Variants in TTK observed in about 807,000 individuals in gnomAD.
TTK encodes dual specificity protein kinase TTK.
In TTK, 59 loss-of-function variants were observed where a neutral mutation model predicts 117.3. The observed-to-expected ratio is 0.50, with a 90% CI of 0.41 to 0.62. The LOEUF (loss-of-function observed/expected upper bound fraction) is 0.62. TTK is among the 20% of genes least tolerant of loss of function. The pLI is 0.00. For missense variants in TTK, 921 were observed against 989.4 expected, an observed-to-expected ratio of 0.93 and a Z score of 0.93; for synonymous variants, 302 against 325.0, an observed-to-expected ratio of 0.93 and a Z score of 0.76.
intron 11 of TTK, 26 bp from the exon 12 acceptor site, chr6:80,026,352 T>A (rs747394258): frequency 6.3e-7 from 1 of 1,592,164 alleles, no homozygotes; most frequent in East Asian, 2.2e-5. Flanking sequence ...AAAAACTAAA[T>A]CATGGTGTTC....
At chr6:80,009,929 C>T (rs1767099112) in intron 4 of TTK, among the ~76,000 whole-genome samples, 1 of 152,054 alleles carries the variant, frequency 6.6e-6, no homozygotes, top group African/African-American at 2.4e-5. Context: ...AAGCCTTTCT[C>T]TCTTTTCTTG....
chr6:80,011,412 C>A, intron 5 of TTK, 22 bp from the exon 6 acceptor site: 2 of 1,480,504 alleles, frequency 1.4e-6, no homozygotes, highest in South Asian at 1.3e-5. Flanking sequence ...TAAATTTAAT[C>A]ATAGTTTCAA....
intron 6 of TTK, 34 bp downstream of exon 6, chr6:80,011,582 C>T (rs1176640483): frequency 1.3e-6 from 2 of 1,573,290 alleles, no homozygotes; most frequent in East Asian, 2.2e-5. Flanking sequence ...AAATGTTCAT[C>T]TTCTATGTAA....
intron 1 of TTK, among the ~76,000 whole-genome samples, chr6:80,005,373 C>T (rs1325389057): frequency 6.6e-6 from 1 of 152,168 alleles, no homozygotes; most frequent in Non-Finnish European, 1.5e-5. Flanking sequence ...TCAGTAAAGC[C>T]CCATCATGTT....
intron 17 of TTK, among the ~76,000 whole-genome samples, chr6:80,036,918 G>T (rs1016470907): frequency 1.2e-4 from 18 of 152,186 alleles, no homozygotes; most frequent in Non-Finnish European, 2.5e-4. Context: ...TTTCCTTGTA[G>T]CAAAGAGGGA....
In TTK at chr6:80,035,043, A is replaced by G; in HGVS notation, c.1673A>G (p.Glu558Gly). The G allele has an allele frequency of 6.2e-7, 1 of 1,601,712 alleles. No homozygotes were observed. Among genetic ancestry groups the G allele is most frequent in the African/African-American group, 1.3e-5 (1 of 74,352 alleles). ...TATGCTATAAAATATGTGAACTTAG[A>G]AGAAGCAGATAACCAAACTCTTGAT... The part of the protein sequence containing the change: ...QIYAIKYVNL[E>G]EADNQTLDSY... The change falls in exon 15 of 22, where the codon GAA becomes GGA. Residue 558 changes from glutamate to glycine, a missense_variant. Coordinates refer to ENST00000369798, the MANE Select transcript of TTK (RefSeq NM_003318.5).
In TTK at chr6:80,017,163, G is replaced by A. The variant is rs371148557; in HGVS notation, c.1108+2577G>A. ...ATTTTTCCCCATAATGGATATCCAGGTGACCTGGCACCATTTATTGAAAAG... is the reference window on the plus strand; with the variant it reads ...ATTTTTCCCCATAATGGATATCCAGATGACCTGGCACCATTTATTGAAAAG... On this transcript the variant is annotated intron_variant, in intron 10 of 21. Coordinates refer to ENST00000369798, the MANE Select transcript of TTK (RefSeq NM_003318.5). Among the ~76,000 whole-genome samples, 127 of 152,282 alleles carry A rather than the reference G, an allele frequency of 8.3e-4. 1 individual carries two copies. Among genetic ancestry groups the A allele is most frequent in the Middle Eastern group, 6.8e-3 (2 of 294 alleles).
At chr6:80,016,643 T>G (rs777689642) in intron 10 of TTK, among the ~76,000 whole-genome samples, 4 of 152,206 alleles carry the variant, frequency 2.6e-5, no homozygotes, top group Non-Finnish European at 4.4e-5. Context: ...AATATGTGTT[T>G]GTAAGGGAAA....
intron 11 of TTK, among the ~76,000 whole-genome samples, chr6:80,024,735 A>G (rs1767560797): frequency 6.6e-6 from 1 of 152,236 alleles, no homozygotes; most frequent in South Asian, 2.1e-4. Context: ...TAGTACACGT[A>G]GAAAGAAAAA....
At chr6:80,005,637 G>A (rs1013067138) in intron 1 of TTK, among the ~76,000 whole-genome samples, 3 of 152,102 alleles carry the variant, frequency 2.0e-5, no homozygotes, top group African/African-American at 7.2e-5. Context: ...AGTATACTTG[G>A]CCTATGAAAC....
At chr6:80,032,283 C>T (rs192586960) in intron 14 of TTK, among the ~76,000 whole-genome samples, 2 of 152,020 alleles carry the variant, frequency 1.3e-5, no homozygotes, top group East Asian at 1.9e-4. Flanking sequence ...AGCTTTTTTC[C>T]GCACTTGGTT....
chr6:80,020,576 T>C (rs1279600785), intron 10 of TTK, among the ~76,000 whole-genome samples: 1 of 152,232 alleles, frequency 6.6e-6, no homozygotes, highest in Non-Finnish European at 1.5e-5. Context: ...TTTTTCTTAC[T>C]GGAATTTGCC....
intron 8 of TTK, among the ~76,000 whole-genome samples, chr6:80,012,938 A>T (rs1222760242): frequency 6.6e-6 from 1 of 152,082 alleles, no homozygotes; most frequent in East Asian, 1.9e-4. Context: ...CAGAAGTGCT[A>T]TACCCTGGTT....
chr6:80,011,597 A>T, intron 6 of TTK, 49 bp downstream of exon 6: 2 of 1,563,784 alleles, frequency 1.3e-6, no homozygotes, highest in Non-Finnish European at 1.7e-6. Flanking sequence ...ATGTAAGTAC[A>T]TCTGTGTTTT....
At chr6:80,009,954 A>G (rs775114812) in intron 4 of TTK, among the ~76,000 whole-genome samples, 14 of 152,084 alleles carry the variant, frequency 9.2e-5, no homozygotes, top group Non-Finnish European at 1.9e-4. Context: ...AAAATACACA[A>G]TACATGAAAT....
chr6:80,006,476 T>A (rs1245123302), intron 2 of TTK, among the ~76,000 whole-genome samples: 1 of 152,182 alleles, frequency 6.6e-6, no homozygotes, highest in Non-Finnish European at 1.5e-5. Flanking sequence ...TAATGGAGTA[T>A]AATTGTGCTT....
At position 80,035,264 on chromosome 6, in the gene TTK, A is replaced by G. The variant is rs993965811; in HGVS notation, c.1773-2A>G. On this transcript the variant is annotated splice_acceptor_variant, in intron 15 of 21. Coordinates refer to ENST00000369798, the MANE Select transcript of TTK (RefSeq NM_003318.5). LOFTEE classifies it high-confidence loss of function. The stretch of plus-strand genomic sequence containing the variant: ...TTGTTGCTTTTATTTGTTTAATTGC[A>G]GTGAAATCACGGACCAGTACATCTA... The G allele has an allele frequency of 2.3e-5, 37 of 1,582,706 alleles. No individual in the cohort carries two copies. Among genetic ancestry groups the G allele is most frequent in the Non-Finnish European group, 3.2e-5 (37 of 1,168,956 alleles).
chr6:80,006,161 GGT>G (rs1325323671), intron 2 of TTK, 179 bp downstream of exon 2: 4 of 733,948 alleles, frequency 5.4e-6, no homozygotes, highest in Non-Finnish European at 6.9e-6. Context: ...AACTTTGAAT[GGT>G]GTCTGGCACA....
intron 10 of TTK, among the ~76,000 whole-genome samples, chr6:80,015,894 A>G (rs150413836): frequency 5.7e-4 from 87 of 152,266 alleles, no homozygotes; most frequent in African/African-American, 2.0e-3. Context: ...AAAAAATACA[A>G]CATTACTAAC....
Sources: gnomAD v4.1 joint callset for allele counts (sites outside exome capture counted in the v4.1 genomes callset) on GRCh38, gnomAD v4.1.1 for gene constraint, MANE v1.5 for transcripts, NCBI Gene and HGNC (gene_info 2026-07-23, HGNC 2026-07-21) for gene names.